The following THSD4 variants were observed in gnomAD, a reference collection of about 807,000 sequenced individuals.
THSD4 encodes the protein thrombospondin type-1 domain-containing protein 4.
Under a neutral mutation model 119.0 loss-of-function variants are expected in THSD4, and 69 were observed. That is an observed-to-expected ratio of 0.58 (90% CI 0.48 to 0.71). The LOEUF (loss-of-function observed/expected upper bound fraction) is 0.71. THSD4 is among the 30% of genes least tolerant of loss of function. The pLI is 0.00. For synonymous variants in THSD4, 524 were observed against 540.4 expected (o/e 0.97, Z 0.42); for missense variants, 1,393 against 1,391.1 (o/e 1.00, Z -0.02).
chr15:71,721,727 C>A (rs1174287441), intron 8 of THSD4, among the ~76,000 whole-genome samples: 1 of 150,662 alleles, frequency 6.6e-6, no homozygotes, highest in Non-Finnish European at 1.5e-5. Context: ...ATAATCAGGG[C>A]TTGCATATAT....
At chr15:71,577,264 A>G (rs1310388055) in intron 7 of THSD4, among the ~76,000 whole-genome samples, 1 of 152,220 alleles carries the variant, frequency 6.6e-6, no homozygotes, top group African/African-American at 2.4e-5. Flanking sequence ...AGACATGCTC[A>G]ATGAATACTT....
chr15:71,530,832 A>C (rs181688979), intron 7 of THSD4, among the ~76,000 whole-genome samples: 32 of 151,914 alleles, frequency 2.1e-4, no homozygotes, highest in African/African-American at 7.7e-4. Flanking sequence ...CTCTGCCTTC[A>C]GGAATCTTAC....
At chr15:71,483,847 G>A in intron 7 of THSD4, among the ~76,000 whole-genome samples, 1 of 151,550 alleles carries the variant, frequency 6.6e-6, no homozygotes, top group Admixed American at 6.6e-5. Flanking sequence ...AACATGCGGT[G>A]TTTGGTTTTC....
chr15:71,679,819 G>A (rs563310608), intron 8 of THSD4, among the ~76,000 whole-genome samples: 110 of 152,264 alleles, frequency 7.2e-4, no homozygotes, highest in Non-Finnish European at 1.3e-3. Context: ...GAGGGGGAGC[G>A]GCTGCTGTAA....
At chr15:71,108,002 T>C (rs1318648284) in intron 1 of THSD4, among the ~76,000 whole-genome samples, 1 of 152,100 alleles carries the variant, frequency 6.6e-6, no homozygotes, top group Non-Finnish European at 1.5e-5. Context: ...ACCTTCCATC[T>C]CTCCTCCTAG....
chr15:71,249,331 T>C (rs1331080628), intron 5 of THSD4, among the ~76,000 whole-genome samples: 3 of 151,558 alleles, frequency 2.0e-5, no homozygotes. Flanking sequence ...TATGTATATA[T>C]ACACACACTT....
chr15:71,154,198 C>T (rs2040753888), intron 2 of THSD4, among the ~76,000 whole-genome samples: 1 of 152,240 alleles, frequency 6.6e-6, no homozygotes, highest in East Asian at 1.9e-4. Flanking sequence ...GCGATTCTAG[C>T]CTGGCTCCAT....
At chr15:71,238,650 C>T (rs2044126587) in intron 4 of THSD4, among the ~76,000 whole-genome samples, 1 of 152,188 alleles carries the variant, frequency 6.6e-6, no homozygotes, top group Non-Finnish European at 1.5e-5. Flanking sequence ...GAATAATAAT[C>T]CACTCTGTGG....
At chr15:71,441,418 T>TTTTTTTTTTG (rs2047087398) in intron 7 of THSD4, among the ~76,000 whole-genome samples, 1 of 59,158 alleles carries the variant, frequency 1.7e-5, no homozygotes, top group Non-Finnish European at 4.0e-5. Flanking sequence ...TTTTTTTTTT[T>TTTTTTTTTTG]GAGATGGAGT....
intron 7 of THSD4, among the ~76,000 whole-genome samples, chr15:71,490,102 A>G (rs2047890517): frequency 6.6e-6 from 1 of 152,078 alleles, no homozygotes; most frequent in Non-Finnish European, 1.5e-5. Context: ...TACCATTTCC[A>G]TATTGCTAGG....
At chr15:71,212,609 C>T (rs1352755333) in intron 3 of THSD4, among the ~76,000 whole-genome samples, 2 of 152,192 alleles carry the variant, frequency 1.3e-5, no homozygotes, top group African/African-American at 2.4e-5. Flanking sequence ...GGACAATTGT[C>T]GAAGTGGTTT....
At chr15:71,478,283 A>T (rs761860843) in intron 7 of THSD4, among the ~76,000 whole-genome samples, 2 of 152,120 alleles carry the variant, frequency 1.3e-5, no homozygotes, top group Non-Finnish European at 2.9e-5. Flanking sequence ...TGCTAACTCC[A>T]TTCCTGACTT....
intron 3 of THSD4, among the ~76,000 whole-genome samples, chr15:71,205,493 C>T (rs1001693086): frequency 6.6e-6 from 1 of 152,090 alleles, no homozygotes; most frequent in Non-Finnish European, 1.5e-5. Flanking sequence ...TGTCTCATTC[C>T]TCATTTATCT....
chr15:71,348,890 C>A (rs1285026523), intron 6 of THSD4, among the ~76,000 whole-genome samples: 1 of 152,238 alleles, frequency 6.6e-6, no homozygotes, highest in Non-Finnish European at 1.5e-5. Flanking sequence ...TAAAGGGAAG[C>A]AGTGGTCTCA....
At chr15:71,395,914 G>GACACACACACACACACACACAC (rs58433075) in intron 6 of THSD4, among the ~76,000 whole-genome samples, 8 of 133,380 alleles carry the variant, frequency 6.0e-5, no homozygotes, top group African/African-American at 2.3e-4. Flanking sequence ...TTTGAAGAGA[G>GACACACACACACACACACACAC]ACACACACAC....
chr15:71,124,244 C>G (rs2040434043), intron 1 of THSD4, among the ~76,000 whole-genome samples: 1 of 152,136 alleles, frequency 6.6e-6, no homozygotes, highest in African/African-American at 2.4e-5. Context: ...AAGCCATAGA[C>G]AATAGATAAA....
intron 10 of THSD4, among the ~76,000 whole-genome samples, chr15:71,734,615 C>T (rs1567126012): frequency 6.6e-6 from 1 of 152,154 alleles, no homozygotes; most frequent in East Asian, 1.9e-4. Flanking sequence ...ATGTGCACCC[C>T]CAAGTGTGAA....
intron 6 of THSD4, among the ~76,000 whole-genome samples, chr15:71,379,185 T>C (rs1305487053): frequency 6.6e-6 from 1 of 150,726 alleles, no homozygotes; most frequent in Non-Finnish European, 1.5e-5. Flanking sequence ...GGAGGGTTTC[T>C]TTAGCTTTTC....
At chr15:71,406,874 G>T (rs1412794229) in intron 6 of THSD4, among the ~76,000 whole-genome samples, 1 of 151,934 alleles carries the variant, frequency 6.6e-6, no homozygotes, top group African/African-American at 2.4e-5. Context: ...AATAAAGATA[G>T]GGTTTTGCCA....
Sources: allele counts gnomAD v4.1 joint callset (sites outside exome capture counted in the v4.1 genomes callset), GRCh38; gene constraint gnomAD v4.1.1; transcripts MANE v1.5; gene names NCBI Gene and HGNC (gene_info 2026-07-23, HGNC 2026-07-21).